LINGO2: variants seen among roughly 807,000 people sequenced by gnomAD.
LINGO2 encodes leucine rich repeat and Ig domain containing 2, also known as leucine-rich repeat and immunoglobulin-like domain-containing nogo receptor-interacting protein 2.
In LINGO2, 14 loss-of-function variants were observed where a neutral mutation model predicts 30.6. That is an observed-to-expected ratio of 0.46 (90% CI 0.30 to 0.72). LINGO2 has a LOEUF of 0.72. LINGO2 is among the 30% of genes least tolerant of loss of function. The pLI is 0.07. For missense variants in LINGO2, 729 were observed against 751.7 expected, an observed-to-expected ratio of 0.97 and a Z score of 0.35; for synonymous variants, 317 against 288.5, an observed-to-expected ratio of 1.10 and a Z score of -1.00.
the LINGO2 span, among the ~76,000 whole-genome samples, chr9:28,714,399 G>C: frequency 6.6e-6 from 1 of 151,838 alleles, no homozygotes; most frequent in Non-Finnish European, 1.5e-5. Context: ...GTTGAAGCCA[G>C]AGATTTTGCA....
rs187574353 is a variant in LINGO2, at chr9:28,218,815, A to G, written c.-87+76393T>C. Among the ~76,000 whole-genome samples the G allele has an allele frequency of 2.6e-5, 4 of 152,226 alleles. No individual in the cohort carries two copies. The East Asian group carries it at 5.8e-4, about 22-fold the overall frequency. Reference sequence around the variant, plus strand: ...TGAGACCCTGATATGCTAATGTTTCACTATTCCCTGCCTGGAATTTAAAGT... The same window carrying G: ...TGAGACCCTGATATGCTAATGTTTCGCTATTCCCTGCCTGGAATTTAAAGT... On this transcript the variant is annotated intron_variant, in intron 4 of 5. Transcript: ENST00000379992.
At chr9:28,654,796 A>G (rs1828261532) in intron 1 of LINGO2, among the ~76,000 whole-genome samples, 1 of 152,124 alleles carries the variant, frequency 6.6e-6, no homozygotes, top group Admixed American at 6.6e-5. Flanking sequence ...AGTAAAACTG[A>G]GATAATAACA....
At chr9:28,345,535 T>C (rs1376313954) in intron 3 of LINGO2, among the ~76,000 whole-genome samples, 2 of 152,162 alleles carry the variant, frequency 1.3e-5, no homozygotes, top group Non-Finnish European at 2.9e-5. Context: ...TTGATCATAG[T>C]ATAGTGTTGT....
the LINGO2 span, among the ~76,000 whole-genome samples, chr9:29,180,938 T>C: frequency 6.6e-6 from 1 of 152,198 alleles, no homozygotes; most frequent in African/African-American, 2.4e-5. Context: ...GTTACGTACA[T>C]TTTGTAAAAT....
the LINGO2 span, among the ~76,000 whole-genome samples, chr9:28,739,899 C>G: frequency 0.98 from 146,649 of 150,120 alleles, 71,691 homozygotes; most frequent in Non-Finnish European, 1. Context: ...CATATTAGTA[C>G]AATAAAGGTC....
At chr9:29,101,356 G>T in the LINGO2 span, among the ~76,000 whole-genome samples, 8 of 152,146 alleles carry the variant, frequency 5.3e-5, no homozygotes, top group Non-Finnish European at 1.2e-4. Flanking sequence ...GTAAATCTAT[G>T]GAAAGAGATT....
Position 28,125,407 on chromosome 9 carries a change from A to AT in LINGO2, c.-86-113003dup, listed in dbSNP as rs199836813. On this transcript the variant is annotated intron_variant, in intron 4 of 5. Transcript: ENST00000379992. ...GAGGATACTAAAAACAAAACTGCTT[A>AT]TATGCAGCATACATAAAAACTTCTT... Among the ~76,000 whole-genome samples the AT allele has an allele frequency of 1.1e-4, 17 of 152,320 alleles. No individual in the cohort carries two copies. The East Asian group carries it at 3.3e-3, about 29-fold the overall frequency.
At chr9:29,151,978 G>A in the LINGO2 span, among the ~76,000 whole-genome samples, 1 of 152,044 alleles carries the variant, frequency 6.6e-6, no homozygotes, top group African/African-American at 2.4e-5. Flanking sequence ...GATTGAACAA[G>A]TAATCCCACT....
intron 1 of LINGO2, among the ~76,000 whole-genome samples, chr9:28,603,697 AT>A (rs1825586745): frequency 6.6e-6 from 1 of 152,198 alleles, no homozygotes; most frequent in African/African-American, 2.4e-5. Flanking sequence ...CACAAGATTC[AT>A]TTTATTAACC....
At chr9:29,117,505 C>T in the LINGO2 span, among the ~76,000 whole-genome samples, 1 of 152,176 alleles carries the variant, frequency 6.6e-6, no homozygotes, top group South Asian at 2.1e-4. Context: ...GTAATGTGAA[C>T]ATCACAGAGT....
intron 3 of LINGO2, among the ~76,000 whole-genome samples, chr9:28,334,270 A>G (rs771868401): frequency 6.6e-6 from 1 of 152,180 alleles, no homozygotes; most frequent in Non-Finnish European, 1.5e-5. Flanking sequence ...TGAGTGACGA[A>G]ACTCTATTTG....
chr9:28,573,438 C>A (rs12377824), intron 1 of LINGO2, among the ~76,000 whole-genome samples: 13,414 of 152,120 alleles, frequency 0.088, 842 homozygotes, highest in East Asian at 0.25. Flanking sequence ...GCTGTGCCAC[C>A]TCAAAACTCC....
the LINGO2 span, among the ~76,000 whole-genome samples, chr9:28,893,296 A>T: frequency 6.6e-6 from 1 of 152,010 alleles, no homozygotes; most frequent in Non-Finnish European, 1.5e-5. Context: ...TATGATGGTC[A>T]TTATACCATG....
At chr9:28,926,922 A>G in the LINGO2 span, among the ~76,000 whole-genome samples, 1 of 151,960 alleles carries the variant, frequency 6.6e-6, no homozygotes, top group African/African-American at 2.4e-5. Flanking sequence ...TGTCACCTCC[A>G]CTGAGAACTC....
chr9:28,990,606 C>A, the LINGO2 span, among the ~76,000 whole-genome samples: 9 of 152,130 alleles, frequency 5.9e-5, no homozygotes, highest in Non-Finnish European at 1.3e-4. Context: ...GAGGCACCAC[C>A]CAGTAGGGGC....
intron 4 of LINGO2, among the ~76,000 whole-genome samples, chr9:28,157,190 C>T (rs1030209335): frequency 3.9e-5 from 6 of 152,200 alleles, no homozygotes; most frequent in African/African-American, 1.4e-4. Context: ...GCCTGGACAT[C>T]CAGGCATTTC....
chr9:28,866,059 G>T, the LINGO2 span, among the ~76,000 whole-genome samples: 1 of 152,008 alleles, frequency 6.6e-6, no homozygotes, highest in Non-Finnish European at 1.5e-5. Flanking sequence ...AAAACTTCAT[G>T]CAAGTCCCTC....
intron 5 of LINGO2, among the ~76,000 whole-genome samples, chr9:28,011,834 G>T (rs1822570337): frequency 6.6e-6 from 1 of 152,108 alleles, no homozygotes; most frequent in Non-Finnish European, 1.5e-5. Context: ...TGCCTCCTGT[G>T]GTGGACAGTC....
intron 4 of LINGO2, among the ~76,000 whole-genome samples, chr9:28,027,270 G>A (rs1338027008): frequency 1.3e-5 from 2 of 152,088 alleles, no homozygotes; most frequent in East Asian, 1.9e-4. Flanking sequence ...TTACGGGTGA[G>A]GAAATTGAGG....
Sources: allele counts gnomAD v4.1 joint callset (sites outside exome capture counted in the v4.1 genomes callset), GRCh38; gene constraint gnomAD v4.1.1; transcripts MANE v1.5; gene names NCBI Gene and HGNC (gene_info 2026-07-23, HGNC 2026-07-21).